CERT1: variants seen among roughly 807,000 people sequenced by gnomAD.
The protein encoded by CERT1 is ceramide transfer protein.
A neutral mutation model predicts 87.9 loss-of-function variants in CERT1; 31 were observed. The observed-to-expected ratio is 0.35, with a 90% CI of 0.27 to 0.48. The LOEUF is 0.48. Among genes scored for constraint, CERT1 ranks in the 20% least tolerant of loss-of-function variants. The pLI, the probability that CERT1 is intolerant of heterozygous loss-of-function variation, is 0.99. For missense variants in CERT1, 487 were observed against 758.0 expected, an observed-to-expected ratio of 0.64 and a Z score of 4.20; for synonymous variants, 289 against 250.9, an observed-to-expected ratio of 1.15 and a Z score of -1.44.
chr5:75,428,428 C>T (rs1446940063), intron 3 of CERT1, among the ~76,000 whole-genome samples: 1 of 152,114 alleles, frequency 6.6e-6, no homozygotes, highest in Admixed American at 6.5e-5. Context: ...CCTGTAATCC[C>T]AGCACTTTGG....
chr5:75,397,921 A>C (rs1044687369), intron 11 of CERT1, among the ~76,000 whole-genome samples: 1 of 152,186 alleles, frequency 6.6e-6, no homozygotes, highest in South Asian at 2.1e-4. Flanking sequence ...TGGGAGGCTG[A>C]GGCAGGAGAA....
intron 2 of CERT1, among the ~76,000 whole-genome samples, chr5:75,468,629 T>A (rs544245033): frequency 6.6e-6 from 1 of 152,236 alleles, no homozygotes; most frequent in East Asian, 1.9e-4. Context: ...CAGTAACAGG[T>A]AGGCCTCATG....
upstream of CERT1, chr5:75,511,803 G>T (rs570834305): frequency 2.6e-6 from 4 of 1,551,398 alleles, no homozygotes; most frequent in Non-Finnish European, 3.5e-6. Context: ...CAGGAGGAGC[G>T]GAGAAAGGAG....
downstream of CERT1, chr5:75,374,147 C>CT (rs1333336532): frequency 1.6e-5 from 6 of 365,856 alleles, no homozygotes; most frequent in Non-Finnish European, 2.8e-5. Flanking sequence ...TTTTTTTTTT[C>CT]TTTTTTTCTC....
chr5:75,434,593 A>G (rs1764010886), intron 3 of CERT1, among the ~76,000 whole-genome samples: 1 of 151,840 alleles, frequency 6.6e-6, no homozygotes, highest in East Asian at 1.9e-4. Flanking sequence ...CATCTGGTAG[A>G]ATAGAGCTAT....
At chr5:75,470,895 G>T (rs1220500230) in intron 2 of CERT1, among the ~76,000 whole-genome samples, 1 of 151,920 alleles carries the variant, frequency 6.6e-6, no homozygotes, top group Non-Finnish European at 1.5e-5. Flanking sequence ...AGCTTGCAGG[G>T]AACAAAATCA....
chr5:75,401,109 C>G (rs1425103687), intron 9 of CERT1: 2 of 152,182 alleles, frequency 1.3e-5, no homozygotes, highest in African/African-American at 4.8e-5. Flanking sequence ...TCTCACTACT[C>G]TATAGAGTAT....
intron 3 of CERT1, among the ~76,000 whole-genome samples, chr5:75,448,740 A>G (rs1428247940): frequency 6.6e-6 from 1 of 152,192 alleles, no homozygotes; most frequent in Non-Finnish European, 1.5e-5. Flanking sequence ...TTCCCTCTTC[A>G]TTAAATAAAA....
At position 75,381,133 on chromosome 5, in the gene CERT1, T is replaced by G; in HGVS notation, c.1686A>C (p.Pro562=). Reference sequence around the variant, plus strand: ...CCCTGCTAATTTCCTGGTTTCCCTCTGGTGGGCTTACCAAGGTTTGACAAA... The same window carrying G: ...CCCTGCTAATTTCCTGGTTTCCCTCGGGTGGGCTTACCAAGGTTTGACAAA... ...AMICQTLVSP[P]EGNQEISRDN... Residue 562 remains proline, a synonymous_variant, in exon 16 of 17, where the codon CCA becomes CCC. Coordinates refer to ENST00000643780, the MANE Select transcript of CERT1 (RefSeq NM_001379029.1). 6.2e-7 allele frequency: 1 copy of G among 1,614,154 alleles called. No homozygotes were observed. Among genetic ancestry groups the G allele is most frequent in the Non-Finnish European group, 8.5e-7 (1 of 1,179,998 alleles).
chr5:75,407,013 A>G (rs916601525), intron 8 of CERT1, among the ~76,000 whole-genome samples: 1 of 152,186 alleles, frequency 6.6e-6, no homozygotes, highest in Admixed American at 6.5e-5. Flanking sequence ...TACGACTATA[A>G]TATTGTTACA....
At chr5:75,470,547 AG>A (rs1340520479) in intron 2 of CERT1, among the ~76,000 whole-genome samples, 2 of 152,136 alleles carry the variant, frequency 1.3e-5, no homozygotes, top group Admixed American at 1.3e-4. Context: ...ATGCAGAAAA[AG>A]CACTGGACAA....
At chr5:75,395,555 C>CAAAAAAA (rs35109034) in intron 11 of CERT1, among the ~76,000 whole-genome samples, 2 of 48,008 alleles carry the variant, frequency 4.2e-5, no homozygotes, top group Non-Finnish European at 8.4e-5. Flanking sequence ...TGTCTCTTTA[C>CAAAAAAA]AAAAAAAAAA....
At position 75,511,226 on chromosome 5, in the gene CERT1, C is replaced by A. The variant is rs760785239; in HGVS notation, c.-19G>T. On this transcript the variant is annotated 5_prime_UTR_variant, in exon 1 of 17. Coordinates refer to ENST00000643780, the MANE Select transcript of CERT1 (RefSeq NM_001379029.1). ...CCGACATGGAGGCTCGACAACCGAG[C>A]AGGAGACCGGCCCCCGCTCCCTCAG... is the stretch of plus-strand genomic sequence containing the variant. The A allele has an allele frequency of 4.3e-5, 70 of 1,611,626 alleles. No individual in the cohort carries two copies. Among genetic ancestry groups the A allele is most frequent in the Non-Finnish European group, 5.5e-5 (65 of 1,179,320 alleles).
intron 11 of CERT1, among the ~76,000 whole-genome samples, chr5:75,394,612 C>CTA (rs749632296): frequency 6.6e-6 from 1 of 152,114 alleles, no homozygotes; most frequent in Non-Finnish European, 1.5e-5. Context: ...TTAGCCCCCG[C>CTA]TACTGAGGAG....
intron 2 of CERT1, among the ~76,000 whole-genome samples, chr5:75,503,380 GA>G (rs1156536640): frequency 2.0e-5 from 3 of 150,798 alleles, no homozygotes; most frequent in Admixed American, 6.6e-5. Context: ...CATATTTAAG[GA>G]AAAAAAATAC....
chr5:75,461,549 A>G (rs1765230468), intron 2 of CERT1, among the ~76,000 whole-genome samples: 1 of 152,252 alleles, frequency 6.6e-6, no homozygotes, highest in Admixed American at 6.5e-5. Flanking sequence ...CTTTTACTCC[A>G]TGATAATTCC....
chr5:75,447,388 G>A (rs913719055), intron 3 of CERT1, among the ~76,000 whole-genome samples: 5 of 151,476 alleles, frequency 3.3e-5, no homozygotes, highest in African/African-American at 4.9e-5. Flanking sequence ...AAAATATACC[G>A]TTGTCTGGGT....
chr5:75,491,541 G>A (rs529546226), intron 2 of CERT1, among the ~76,000 whole-genome samples: 3 of 152,060 alleles, frequency 2.0e-5, no homozygotes, highest in South Asian at 2.1e-4. Context: ...TAATCTTTCC[G>A]GTGGTTCTTC....
At chr5:75,453,369 G>C (rs1764838760) in intron 3 of CERT1, among the ~76,000 whole-genome samples, 1 of 152,162 alleles carries the variant, frequency 6.6e-6, no homozygotes, top group Non-Finnish European at 1.5e-5. Context: ...GAATATGTCT[G>C]AGTCTTTAAG....
Sources: allele counts gnomAD v4.1 joint callset (sites outside exome capture counted in the v4.1 genomes callset), GRCh38; gene constraint gnomAD v4.1.1; transcripts MANE v1.5; gene names NCBI Gene and HGNC (gene_info 2026-07-23, HGNC 2026-07-21).